The following WDR59 variants were observed in gnomAD, a reference collection of about 807,000 sequenced individuals.
WDR59 encodes the protein WD repeat domain 59.
WDR59 carries 100 observed loss-of-function variants against 131.2 expected under a neutral mutation model. The observed-to-expected ratio is 0.76, with a 90% CI of 0.65 to 0.90. The LOEUF (loss-of-function observed/expected upper bound fraction) is 0.90, where lower values mean the gene tolerates loss of function less well. Among genes scored for constraint, WDR59 ranks in the 40% least tolerant of loss-of-function variants. The pLI is 0.00. For missense variants in WDR59, 1,203 were observed against 1,262.2 expected, an observed-to-expected ratio of 0.95 and a Z score of 0.71; for synonymous variants, 601 against 466.2, an observed-to-expected ratio of 1.29 and a Z score of -3.72.
chr16:74,951,602 A>C (rs1404801715), intron 3 of WDR59, 59 bp from the exon 4 acceptor site: 35 of 1,461,534 alleles, frequency 2.4e-5, no homozygotes, highest in Non-Finnish European at 2.9e-5. Context: ...GTCTTGCCCC[A>C]ATCAGCTTAA....
chr16:74,947,786 G>A (rs2032736655), intron 6 of WDR59, among the ~76,000 whole-genome samples: 1 of 151,708 alleles, frequency 6.6e-6, no homozygotes, highest in African/African-American at 2.4e-5. Context: ...ATAATCACAA[G>A]AGGGCCGGGC....
At chr16:74,879,651 A>G (rs1044672533) in intron 25 of WDR59, among the ~76,000 whole-genome samples, 2 of 152,210 alleles carry the variant, frequency 1.3e-5, no homozygotes, top group African/African-American at 2.4e-5. Flanking sequence ...AACACGTTAT[A>G]TACATTGAAA....
At chr16:74,929,224 G>A (rs545775330) in intron 8 of WDR59, among the ~76,000 whole-genome samples, 6 of 152,222 alleles carry the variant, frequency 3.9e-5, no homozygotes, top group East Asian at 3.9e-4. Flanking sequence ...ACAGGCGCCC[G>A]CCACCATGCC....
At chr16:74,973,436 G>A (rs983470329) in intron 1 of WDR59, among the ~76,000 whole-genome samples, 24 of 152,266 alleles carry the variant, frequency 1.6e-4, no homozygotes, top group African/African-American at 5.3e-4. Context: ...ACAGGCACAA[G>A]CCACCATGCT....
At chr16:74,951,568 C>T (rs1409109056) in intron 3 of WDR59, 25 bp from the exon 4 acceptor site, 2 of 1,563,046 alleles carry the variant, frequency 1.3e-6, no homozygotes, top group Admixed American at 3.8e-5. Flanking sequence ...AAGAAGGCCA[C>T]AGGCAAGTAT....
At chr16:74,936,032 T>C (rs1006584352) in intron 8 of WDR59, among the ~76,000 whole-genome samples, 1 of 151,320 alleles carries the variant, frequency 6.6e-6, no homozygotes, top group Non-Finnish European at 1.5e-5. Context: ...TTCTAGGATA[T>C]AGTGGAATAA....
At chr16:74,972,821 TAAAAAAAAAAAAAAA>T (rs57885889) in intron 1 of WDR59, among the ~76,000 whole-genome samples, 6 of 55,044 alleles carry the variant, frequency 1.1e-4, no homozygotes, top group Non-Finnish European at 1.5e-4. Flanking sequence ...GACTCTGTCT[TAAAAAAAAAAAAAAA>T]AAAAAAAAAA....
At chr16:74,944,543 T>G (rs890780231) in intron 6 of WDR59, among the ~76,000 whole-genome samples, 4 of 149,636 alleles carry the variant, frequency 2.7e-5, no homozygotes, top group African/African-American at 7.4e-5. Flanking sequence ...CAGAGAACAC[T>G]CTGGAATACT....
In WDR59 at chr16:74,909,594, G is replaced by A. The variant is rs753169846; in HGVS notation, c.1549C>T (p.Pro517Ser). The A allele has an allele frequency of 4.3e-6, 7 of 1,609,836 alleles. No individual in the cohort carries two copies. Among genetic ancestry groups the A allele is most frequent in the African/African-American group, 1.3e-5 (1 of 74,658 alleles). The change falls in exon 16 of 26, where the codon CCG becomes TCG. Residue 517 changes from proline to serine, a missense_variant. Transcript: ENST00000262144. ...GCCGTGGTCACCCGCGCAAACGTCG[G>A]TAAGGGGGGAGTGACAGAGTTGGGG... ...ALPNSVTPPL[P>S]TFARVTTAYG...
intron 1 of WDR59, among the ~76,000 whole-genome samples, chr16:74,969,649 C>A (rs4888325): frequency 0.55 from 82,852 of 151,370 alleles, 24,049 homozygotes; most frequent in East Asian, 0.76. Flanking sequence ...AGCTCACTGC[C>A]ACCTCTGCCT....
chr16:74,958,617 A>AAAAAAAAAAAC, intron 2 of WDR59, among the ~76,000 whole-genome samples: 1 of 144,228 alleles, frequency 6.9e-6, no homozygotes, highest in South Asian at 2.2e-4. Flanking sequence ...AAAAAAAAAA[A>AAAAAAAAAAAC]AAACAAGCTA....
chr16:74,907,215 TTCTC>T lies in WDR59; in HGVS notation c.1712+1689_1712+1692del, dbSNP rs146095064. ...CTGCTCACACAGTTCTCTCATCCAG[TTCTC>T]TCTCTTTCTTGTTAGCTCAGCTATT... On this transcript the variant is annotated intron_variant, in intron 17 of 25. Coordinates refer to ENST00000262144, the MANE Select transcript of WDR59 (RefSeq NM_030581.4). Among the ~76,000 whole-genome samples, 1,059 of 152,204 alleles carry T rather than the reference TTCTC, an allele frequency of 7.0e-3. 12 individuals are homozygous for T. The highest frequency in any genetic ancestry group is 0.024 in the African/African-American group (998 of 41,532).
rs200936685 is a variant in WDR59, at chr16:74,942,826, G to A, written c.446C>T (p.Ala149Val). ...ATTCCATTTGACCTGGGAGGCACCC[G>A]CTGCAAAGAAAAATCAGGGAAGAAA... Reference protein sequence around the residue: ...RKPTVALSAVAGASQVKWNKK... With the variant: ...RKPTVALSAVVGASQVKWNKK... Residue 149 changes from alanine (A) to valine (V), a missense_variant and splice_region_variant, in exon 7 of 26, where the codon GCG becomes GTG. Physicochemically the swap from Ala to Val is moderately conservative, Grantham distance 64 (BLOSUM62 0). Coordinates refer to ENST00000262144, the MANE Select transcript of WDR59 (RefSeq NM_030581.4). 14 of 1,612,484 alleles carry A rather than the reference G, an allele frequency of 8.7e-6. No homozygotes were observed. Among genetic ancestry groups the A allele is most frequent in the African/African-American group, 5.3e-5 (4 of 74,778 alleles).
chr16:74,981,743 C>A (rs1381671369), intron 1 of WDR59, among the ~76,000 whole-genome samples: 2 of 135,054 alleles, frequency 1.5e-5, no homozygotes, highest in East Asian at 4.6e-4. Flanking sequence ...GCAACCTCTG[C>A]CTCCCAGGTT....
chr16:74,884,307 C>A (rs1291144855), intron 25 of WDR59, among the ~76,000 whole-genome samples: 1 of 152,236 alleles, frequency 6.6e-6, no homozygotes, highest in Non-Finnish European at 1.5e-5. Flanking sequence ...CTGCTTACTT[C>A]TTATGCCCTT....
chr16:74,919,123 G>A (rs13335129), intron 10 of WDR59, among the ~76,000 whole-genome samples: 15,426 of 151,918 alleles, frequency 0.1, 1,848 homozygotes, highest in African/African-American at 0.29. Flanking sequence ...TCCCCCGCTG[G>A]TCCCAAGGGG....
At chr16:74,892,654 G>A (rs1257343780) in intron 19 of WDR59, 89 bp from the exon 20 acceptor site, 2 of 1,075,144 alleles carry the variant, frequency 1.9e-6, no homozygotes, top group Non-Finnish European at 2.7e-6. Flanking sequence ...ATGAGAACCT[G>A]ACTCTTTGGT....
chr16:74,962,948 T>C (rs569439785), intron 2 of WDR59: 2 of 151,534 alleles, frequency 1.3e-5, no homozygotes, highest in African/African-American at 4.8e-5. Flanking sequence ...CCCAGAGGAA[T>C]CTAAATTACT....
At chr16:74,964,642 C>T (rs551344433) in intron 2 of WDR59, among the ~76,000 whole-genome samples, 4 of 151,994 alleles carry the variant, frequency 2.6e-5, no homozygotes, top group South Asian at 4.1e-4. Flanking sequence ...AAAATATTTT[C>T]ACTGATTTGT....
Sources: gnomAD v4.1 joint callset for allele counts (sites outside exome capture counted in the v4.1 genomes callset) on GRCh38, gnomAD v4.1.1 for gene constraint, MANE v1.5 for transcripts, NCBI Gene and HGNC (gene_info 2026-07-23, HGNC 2026-07-21) for gene names.